Variants in PCM1 observed in about 807,000 individuals in gnomAD.
The protein encoded by PCM1 is pericentriolar material 1, also known as pericentriolar material 1 protein.
Under a neutral mutation model 241.9 loss-of-function variants are expected in PCM1, and 157 were observed. The ratio of observed to expected loss-of-function variants is 0.65; its 90% CI spans 0.57 to 0.74. The LOEUF (loss-of-function observed/expected upper bound fraction) is 0.74, where lower values mean the gene tolerates loss of function less well. Ranked by LOEUF, PCM1 falls within the 30% of genes least tolerant of loss-of-function variation. The pLI is 0.00. For missense variants in PCM1, 3,478 were observed against 2,360.1 expected (o/e 1.47, Z -9.81); for synonymous variants, 1,085 against 784.9 (o/e 1.38, Z -6.39).
intron 2 of PCM1, among the ~76,000 whole-genome samples, chr8:17,931,461 G>C (rs567796187): frequency 3.9e-5 from 6 of 152,160 alleles, no homozygotes; most frequent in Admixed American, 6.5e-5. Flanking sequence ...GCTAGTTTTT[G>C]TATTTTTAGT....
intron 9 of PCM1, 116 bp from the exon 10 acceptor site, chr8:17,955,354 C>T (rs754058766): frequency 5.9e-4 from 383 of 652,160 alleles, no homozygotes; most frequent in Non-Finnish European, 6.0e-4. Flanking sequence ...TTTAAATCTG[C>T]AGAAATTAAG....
Position 17,937,225 on chromosome 8 carries a change from A to T in PCM1, c.188A>T (p.Asp63Val). ...GAAAGTGATAAAAGAGTAACCAATG[A>T]TATTTCTCCGGAGTCGTCACCAGGA... is the stretch of plus-strand genomic sequence containing the variant. ...GVESDKRVTN[D>V]ISPESSPGVG... The change falls in exon 4 of 39, where the codon GAT (aspartate) becomes GTT (valine). Residue 63 changes from aspartate to valine, a missense_variant. Physicochemically the swap from Asp to Val is radical, Grantham distance 152. Coordinates refer to ENST00000325083, the MANE Select transcript of PCM1 (RefSeq NM_006197.4). 6.2e-7 allele frequency: 1 copy of T among 1,608,162 alleles called. No individual in the cohort carries two copies. The highest frequency in any genetic ancestry group is 1.1e-5 in the South Asian group (1 of 90,188).
At chr8:18,001,661 C>T (rs558073050) in intron 29 of PCM1, among the ~76,000 whole-genome samples, 2 of 152,160 alleles carry the variant, frequency 1.3e-5, no homozygotes, top group Non-Finnish European at 2.9e-5. Flanking sequence ...TGGTAAACTA[C>T]AAAATACATT....
At chr8:17,988,426 G>A (rs554171159) in intron 26 of PCM1, among the ~76,000 whole-genome samples, 9 of 151,786 alleles carry the variant, frequency 5.9e-5, no homozygotes, top group East Asian at 1.9e-4. Context: ...ACCTAAAGTC[G>A]TGTAAAAGCC....
chr8:17,991,011 C>T (rs1338415564), intron 27 of PCM1, among the ~76,000 whole-genome samples: 1 of 151,816 alleles, frequency 6.6e-6, no homozygotes, highest in Non-Finnish European at 1.5e-5. Context: ...TGCCAGAATA[C>T]TTCGACTCCT....
At position 17,956,710 on chromosome 8, in the gene PCM1, G is replaced by T; in HGVS notation, c.1579G>T (p.Asp527Tyr). Residue 527 changes from aspartate (D) to tyrosine (Y), a missense_variant, in exon 11 of 39, where the codon GAT becomes TAT. Coordinates refer to ENST00000325083, the MANE Select transcript of PCM1 (RefSeq NM_006197.4). ...AGATGCTGTGAATGAAAACAGGAAAGATGAAGAAACTGAAGAGTCAGAATA... is the reference window on the plus strand; with the variant it reads ...AGATGCTGTGAATGAAAACAGGAAATATGAAGAAACTGAAGAGTCAGAATA... ...MTDAVNENRK[D>Y]EETEESEYDS... 6.2e-7 allele frequency: 1 copy of T among 1,607,670 alleles called. No homozygotes were observed.
chr8:18,020,401 C>T (rs1196782178), intron 36 of PCM1, among the ~76,000 whole-genome samples: 1 of 152,146 alleles, frequency 6.6e-6, no homozygotes, highest in Non-Finnish European at 1.5e-5. Flanking sequence ...CAGTCAGATC[C>T]AACATGTCTT....
intron 23 of PCM1, among the ~76,000 whole-genome samples, chr8:17,974,937 C>T (rs1247424325): frequency 4.6e-5 from 7 of 151,444 alleles, no homozygotes; most frequent in South Asian, 2.1e-4. Context: ...ATAGCAGAGC[C>T]GAAGTAATAT....
intron 17 of PCM1, among the ~76,000 whole-genome samples, chr8:17,964,206 G>A (rs950152894): frequency 6.6e-6 from 1 of 152,178 alleles, no homozygotes; most frequent in Admixed American, 6.5e-5. Flanking sequence ...AGTGTCTACT[G>A]TATTGGATAG....
chr8:17,964,628 C>T lies in PCM1; in HGVS notation c.2715C>T (p.Asp905=), dbSNP rs34504407. Residue 905 remains aspartate, a synonymous_variant, in exon 18 of 39, where the codon GAC becomes GAT. Transcript: ENST00000325083. ...CACTAGATGAAGAAGGAGATGAAGACGGTTACCTTTCTGAAGGAATTGTTC... is the reference window on the plus strand; with the variant it reads ...CACTAGATGAAGAAGGAGATGAAGATGGTTACCTTTCTGAAGGAATTGTTC... ...QCALDEEGDE[D]GYLSEGIVRT... 1,332 of 1,613,748 alleles carry T rather than the reference C, an allele frequency of 8.3e-4. 8 individuals are homozygous for T. The African/African-American group carries it at 0.013, about 16-fold the overall frequency.
At chr8:17,933,409 T>C (rs2059578429) in intron 2 of PCM1, among the ~76,000 whole-genome samples, 1 of 152,206 alleles carries the variant, frequency 6.6e-6, no homozygotes, top group Non-Finnish European at 1.5e-5. Context: ...TTTTTTCCGA[T>C]ATGTTTATTC....
intron 36 of PCM1, among the ~76,000 whole-genome samples, chr8:18,019,026 A>G (rs2093542292): frequency 6.6e-6 from 1 of 151,722 alleles, no homozygotes; most frequent in Non-Finnish European, 1.5e-5. Flanking sequence ...TTTGTTATCT[A>G]ATGTGCCTAC....
rs771983369 is a variant in PCM1, at chr8:17,991,575, C to A, written c.4565C>A (p.Ala1522Asp). The A allele has an allele frequency of 1.9e-6, 3 of 1,601,412 alleles. No homozygotes were observed. In the East Asian group the frequency reaches 6.7e-5, roughly 36 times the overall value. Residue 1522 changes from alanine (A) to aspartate (D), a missense_variant, in exon 28 of 39, where the codon GCC becomes GAC. Coordinates refer to ENST00000325083, the MANE Select transcript of PCM1 (RefSeq NM_006197.4). ...NTVIHLDQAL[A>D]RMREYERMKT... Reference sequence around the variant, plus strand: ...GTGATTCACTTAGATCAAGCATTAGCCAGAATGAGAGAATATGAGCGTATG... The same window carrying A: ...GTGATTCACTTAGATCAAGCATTAGACAGAATGAGAGAATATGAGCGTATG...
At chr8:17,952,299 G>A (rs548882468) in intron 8 of PCM1, among the ~76,000 whole-genome samples, 42 of 151,876 alleles carry the variant, frequency 2.8e-4, no homozygotes, top group Non-Finnish European at 5.0e-4. Flanking sequence ...AAATTGATAG[G>A]TTAAGAAGTT....
At chr8:17,956,553 T>C in intron 10 of PCM1, 51 bp from the exon 11 acceptor site, 1 of 1,122,334 alleles carries the variant, frequency 8.9e-7, no homozygotes, top group Non-Finnish European at 1.3e-6. Context: ...ATGTCTGTAT[T>C]ATTTTGCTAA....
At chr8:17,936,517 A>G (rs796451058) in intron 3 of PCM1, among the ~76,000 whole-genome samples, 4 of 152,200 alleles carry the variant, frequency 2.6e-5, no homozygotes, top group African/African-American at 9.7e-5. Flanking sequence ...TTGTAATTCC[A>G]TATTAGCTGT....
At position 17,953,139 on chromosome 8, in the gene PCM1, T is replaced by C. The variant is rs1331302347; in HGVS notation, c.1241T>C (p.Leu414Pro). The C allele has an allele frequency of 1.3e-6, 2 of 1,589,464 alleles. No individual in the cohort carries two copies. Among genetic ancestry groups the C allele is most frequent in the Non-Finnish European group, 8.6e-7 (1 of 1,166,960 alleles). ...QEKKQKMDKLLGELHTLRDQH... is the reference protein window; with the variant it reads ...QEKKQKMDKLPGELHTLRDQH... ...AAGAAACAAAAAATGGACAAATTGC[T>C]TGGAGAACTTCATACACTTCGAGAT... Residue 414 changes from leucine to proline, a missense_variant, in exon 9 of 39, where the codon CTT (leucine) becomes CCT (proline). Transcript: ENST00000325083.
At chr8:18,001,142 G>A (rs1375604489) in intron 29 of PCM1, among the ~76,000 whole-genome samples, 1 of 152,214 alleles carries the variant, frequency 6.6e-6, no homozygotes, top group Non-Finnish European at 1.5e-5. Context: ...CAAAAGCGGA[G>A]CCAGGGTTGA....
rs746010353 is a variant in PCM1, at chr8:18,027,664, A to T, written c.*2A>T. 6 of 1,586,932 alleles carry T rather than the reference A, an allele frequency of 3.8e-6. No individual in the cohort carries two copies. In the African/African-American group the frequency reaches 4.0e-5, roughly 11 times the overall value. On this transcript the variant is annotated 3_prime_UTR_variant, in exon 39 of 39. Coordinates refer to ENST00000325083, the MANE Select transcript of PCM1 (RefSeq NM_006197.4). ...ACGGTGGGAGCCCAGAGTATATGAG[A>T]TGTCTTCAGAGGCTCATCTAACTCT... is the stretch of plus-strand genomic sequence containing the variant.
Sources: allele counts gnomAD v4.1 joint callset (sites outside exome capture counted in the v4.1 genomes callset), GRCh38; gene constraint gnomAD v4.1.1; transcripts MANE v1.5; gene names NCBI Gene and HGNC (gene_info 2026-07-23, HGNC 2026-07-21).